Variants in DENND1A observed in about 807,000 individuals in gnomAD.
DENND1A encodes DENN domain-containing protein 1A.
In DENND1A, 51 loss-of-function variants were observed where a neutral mutation model predicts 113.7. The observed-to-expected ratio is 0.45, with a 90% confidence interval of 0.36 to 0.57. DENND1A has a LOEUF of 0.57. Ranked by LOEUF, DENND1A falls within the 20% of genes least tolerant of loss-of-function variation. DENND1A has a pLI of 0.00. For synonymous variants in DENND1A, 565 were observed against 570.8 expected (o/e 0.99, Z 0.14); for missense variants, 1,258 against 1,395.9 (o/e 0.90, Z 1.57).
chr9:123,920,039 T>G (rs1039386971), intron 1 of DENND1A, among the ~76,000 whole-genome samples: 5 of 152,134 alleles, frequency 3.3e-5, no homozygotes, highest in African/African-American at 1.2e-4. Flanking sequence ...TGATGGGAAT[T>G]TGGGGGCTCA....
chr9:123,383,620 C>T (rs1051370152), intron 23 of DENND1A, 35 bp downstream of exon 23: 4 of 1,595,438 alleles, frequency 2.5e-6, no homozygotes, highest in African/African-American at 2.7e-5. Flanking sequence ...ACAGTGCCGG[C>T]CCCCGGCCGA....
At chr9:123,501,802 A>ATGGGC (rs2052510550) in intron 13 of DENND1A, among the ~76,000 whole-genome samples, 2 of 152,190 alleles carry the variant, frequency 1.3e-5, no homozygotes, top group Admixed American at 1.3e-4. Context: ...AAAAGGAGAG[A>ATGGGC]TGGGCCTAGC....
intron 2 of DENND1A, among the ~76,000 whole-genome samples, chr9:123,819,277 C>T (rs1838075994): frequency 6.6e-6 from 1 of 152,170 alleles, no homozygotes; most frequent in Non-Finnish European, 1.5e-5. Flanking sequence ...CTTCACTATC[C>T]AAACTCTCAC....
intron 21 of DENND1A, among the ~76,000 whole-genome samples, chr9:123,396,625 G>C (rs920425009): frequency 1.3e-5 from 2 of 152,228 alleles, no homozygotes; most frequent in Non-Finnish European, 2.9e-5. Context: ...AGCTTCTTCT[G>C]ATCTTATTTT....
chr9:123,874,917 G>A (rs1358341430), intron 2 of DENND1A, among the ~76,000 whole-genome samples: 1 of 152,172 alleles, frequency 6.6e-6, no homozygotes, highest in Non-Finnish European at 1.5e-5. Flanking sequence ...ATGTTTACAT[G>A]TGCCAGGATT....
chr9:123,788,531 T>C (rs1212061194), intron 3 of DENND1A, among the ~76,000 whole-genome samples: 1 of 152,148 alleles, frequency 6.6e-6, no homozygotes, highest in African/African-American at 2.4e-5. Context: ...TAACTATGAA[T>C]GAACACAGTA....
At chr9:123,830,594 G>C (rs190423301) in intron 2 of DENND1A, among the ~76,000 whole-genome samples, 1 of 152,224 alleles carries the variant, frequency 6.6e-6, no homozygotes, top group East Asian at 1.9e-4. Context: ...GCCGGGCACA[G>C]TGGCTCACAA....
chr9:123,658,406 A>T (rs1447455184), intron 8 of DENND1A, among the ~76,000 whole-genome samples: 1 of 152,218 alleles, frequency 6.6e-6, no homozygotes, highest in African/African-American at 2.4e-5. Flanking sequence ...AAATTTATAA[A>T]GATTTATGCT....
intron 11 of DENND1A, among the ~76,000 whole-genome samples, chr9:123,604,192 A>G (rs1376280371): frequency 6.6e-6 from 1 of 152,130 alleles, no homozygotes; most frequent in Non-Finnish European, 1.5e-5. Context: ...ATCTCCTGGA[A>G]AGCCCCCTTT....
At position 123,422,055 on chromosome 9, in the gene DENND1A, A is replaced by C. The variant is rs76117281; in HGVS notation, c.1489-10226T>G. 6.0e-3 allele frequency among the ~76,000 whole-genome samples: 910 copies of C among 152,116 alleles called. 7 individuals carry two copies. Among genetic ancestry groups the C allele is most frequent in the African/African-American group, 0.02 (843 of 41,472 alleles). On this transcript the variant is annotated intron_variant, in intron 19 of 23. Coordinates refer to ENST00000394215, the MANE Select transcript of DENND1A (RefSeq NM_001352964.2). The surrounding 1 kb of genome is among the most constrained non-coding windows in gnomAD (Gnocchi z 4.8). ...CCCTTCCCCCAGAAGTTCTCTCTCT[A>C]TTCCTGGCCCACAAAAGTCGGGCAC...
chr9:123,809,917 C>T (rs1335162640), intron 2 of DENND1A, among the ~76,000 whole-genome samples: 6 of 152,160 alleles, frequency 3.9e-5, no homozygotes, highest in African/African-American at 7.2e-5. Context: ...TCAAGTGATC[C>T]GCCTACCTCA....
chr9:123,492,497 T>C (rs1049278750), intron 13 of DENND1A, among the ~76,000 whole-genome samples: 106 of 152,152 alleles, frequency 7.0e-4, no homozygotes, highest in African/African-American at 2.4e-3. Context: ...GAATTGAAAG[T>C]GGAGATCATG....
intron 20 of DENND1A, among the ~76,000 whole-genome samples, chr9:123,406,837 C>T (rs939635807): frequency 3.9e-5 from 6 of 151,994 alleles, no homozygotes; most frequent in Admixed American, 6.5e-5. Flanking sequence ...CGCGGGGCCC[C>T]GGGGCAGAGC....
At chr9:123,721,998 G>A (rs1236305934) in intron 5 of DENND1A, among the ~76,000 whole-genome samples, 1 of 152,180 alleles carries the variant, frequency 6.6e-6, no homozygotes, top group African/African-American at 2.4e-5. Context: ...GAAGAAGACA[G>A]GAAAATGTGG....
chr9:123,440,027 C>T (rs973197852), intron 19 of DENND1A: 8 of 165,776 alleles, frequency 4.8e-5, no homozygotes, highest in African/African-American at 1.2e-4. Flanking sequence ...AAGAAGGGCC[C>T]GGGATGCTAA....
intron 13 of DENND1A, among the ~76,000 whole-genome samples, chr9:123,508,004 A>G (rs1320749860): frequency 6.6e-6 from 1 of 152,128 alleles, no homozygotes; most frequent in Non-Finnish European, 1.5e-5. Context: ...TAGCATCAAA[A>G]TCCATCTAGA....
intron 2 of DENND1A, among the ~76,000 whole-genome samples, chr9:123,872,588 A>G (rs991435860): frequency 2.0e-5 from 3 of 152,232 alleles, no homozygotes; most frequent in Middle Eastern, 3.2e-3. Context: ...TTATTGAGTG[A>G]TAATTTTTCT....
chr9:123,814,186 T>A (rs980450686), intron 2 of DENND1A, among the ~76,000 whole-genome samples: 114 of 152,296 alleles, frequency 7.5e-4, no homozygotes, highest in Non-Finnish European at 2.8e-4. Context: ...TGTAAGGTAT[T>A]CTTAAGAGGG....
intron 13 of DENND1A, among the ~76,000 whole-genome samples, chr9:123,518,692 C>T (rs2054140689): frequency 6.6e-6 from 1 of 152,040 alleles, no homozygotes; most frequent in African/African-American, 2.4e-5. Context: ...CCTACTGATC[C>T]CATCTCCAAA....
Sources: allele counts gnomAD v4.1 joint callset (sites outside exome capture counted in the v4.1 genomes callset), GRCh38; gene constraint gnomAD v4.1.1; non-coding constraint Gnocchi (gnomAD v3.1); transcripts MANE v1.5; gene names NCBI Gene and HGNC (gene_info 2026-07-23, HGNC 2026-07-21).